Variants in GABRB3 observed in about 807,000 individuals in gnomAD.
GABRB3 encodes gamma-aminobutyric acid receptor subunit beta-3.
In GABRB3, 14 loss-of-function variants were observed where a neutral mutation model predicts 52.1. The observed-to-expected ratio is 0.27, with a 90% CI of 0.18 to 0.42. The LOEUF (loss-of-function observed/expected upper bound fraction) is 0.42, where lower values mean the gene tolerates loss of function less well. Among genes scored for constraint, GABRB3 ranks in the 10% least tolerant of loss-of-function variants. GABRB3 has a pLI of 1.00. For synonymous variants in GABRB3, 260 were observed against 232.3 expected (o/e 1.12, Z -1.08); for missense variants, 307 against 609.1 (o/e 0.50, Z 5.22).
intron 8 of GABRB3, among the ~76,000 whole-genome samples, chr15:26,556,508 A>G (rs1440982628): frequency 6.6e-6 from 1 of 152,188 alleles, no homozygotes; most frequent in Non-Finnish European, 1.5e-5. Flanking sequence ...TAATTGGTCA[A>G]CTTGTAAAAT....
chr15:26,565,650 A>G (rs1890139238), intron 7 of GABRB3, among the ~76,000 whole-genome samples: 1 of 152,204 alleles, frequency 6.6e-6, no homozygotes, highest in Admixed American at 6.5e-5. Context: ...CCGGGGTATT[A>G]ACGATTTAAT....
At chr15:26,748,667 TTCTC>T (rs1490983233) in intron 3 of GABRB3, among the ~76,000 whole-genome samples, 2 of 152,228 alleles carry the variant, frequency 1.3e-5, no homozygotes, top group Non-Finnish European at 2.9e-5. Context: ...TTGATTAACT[TTCTC>T]TATTGGTTTT....
Position 26,621,227 on chromosome 15 carries a change from C to A in GABRB3, c.461+87G>T. The A allele has an allele frequency of 9.7e-7, 1 of 1,036,136 alleles. No homozygotes were observed. Among genetic ancestry groups the A allele is most frequent in the Admixed American group, 1.7e-5 (1 of 59,008 alleles). 64.2% of individuals were successfully genotyped at this position (1,036,136 alleles called of 1,614,324 possible). On this transcript the variant is annotated intron_variant, in intron 4 of 8. Transcript: ENST00000311550. This position sits in a 1 kb window ranked among gnomAD's most constrained non-coding sequence, Gnocchi z 4.1. ...CTTCCTAATTTATCTGAGGTCATTG[C>A]CTCACTTACAATAATCATCTCAAGT...
At chr15:26,757,113 C>T (rs1271165530) in intron 3 of GABRB3, among the ~76,000 whole-genome samples, 1 of 152,072 alleles carries the variant, frequency 6.6e-6, no homozygotes, top group Admixed American at 6.6e-5. Flanking sequence ...GCAAGATATC[C>T]CAGTCTCCCA....
chr15:26,697,524 G>A (rs1446417312), intron 3 of GABRB3, among the ~76,000 whole-genome samples: 1 of 152,024 alleles, frequency 6.6e-6, no homozygotes, highest in Non-Finnish European at 1.5e-5. Flanking sequence ...ACTCTCTCAG[G>A]TCCTTCTCAA....
intron 3 of GABRB3, chr15:26,625,477 A>G: frequency 1.0e-6 from 1 of 985,390 alleles, no homozygotes; most frequent in South Asian, 4.7e-5. Flanking sequence ...CACAGTCACA[A>G]AGAGATGGAA....
At chr15:26,686,335 T>C (rs530763258) in intron 3 of GABRB3, among the ~76,000 whole-genome samples, 12 of 152,298 alleles carry the variant, frequency 7.9e-5, no homozygotes, top group African/African-American at 2.9e-4. Flanking sequence ...TAAAAATAGA[T>C]TTTCAACAAA....
rs1365439059 is a variant in GABRB3 at position 26,560,973 on chromosome 15, C to G, written c.1039G>C (p.Ala347Pro). The G allele has an allele frequency of 6.2e-7, 1 of 1,614,152 alleles. No homozygotes were observed. Among genetic ancestry groups the G allele is most frequent in the Non-Finnish European group, 8.5e-7 (1 of 1,180,006 alleles). ...QRQKKLAEKT[A>P]KAKNDRSKSE... The stretch of plus-strand genomic sequence containing the variant: ...TTTGAACGGTCATTCTTTGCCTTGG[C>G]TGTCTTTTCTGCAAGCTTCTTCTGC... Residue 347 changes from alanine (A) to proline (P), a missense_variant, in exon 8 of 9, where the codon GCC (alanine) becomes CCC (proline). Physicochemically the swap from Ala to Pro is conservative, Grantham distance 27 (BLOSUM62 -1). Transcript: ENST00000311550.
At chr15:26,758,150 A>G (rs1890713681) in intron 3 of GABRB3, among the ~76,000 whole-genome samples, 1 of 151,736 alleles carries the variant, frequency 6.6e-6, no homozygotes, top group South Asian at 2.1e-4. Flanking sequence ...TAATACACAG[A>G]AAATAGTTTA....
intron 3 of GABRB3, among the ~76,000 whole-genome samples, chr15:26,628,806 A>T (rs1892811980): frequency 6.6e-6 from 1 of 152,188 alleles, no homozygotes; most frequent in Non-Finnish European, 1.5e-5. Context: ...CCCCCAGGGT[A>T]GCTGAGGGAG....
At chr15:26,772,539 G>A in intron 2 of GABRB3, 70 bp from the exon 3 acceptor site, 1 of 1,532,660 alleles carries the variant, frequency 6.5e-7, no homozygotes, top group Non-Finnish European at 8.9e-7. Flanking sequence ...TGAGGACTGG[G>A]GGCTATCCCA....
chr15:26,732,327 TGGATGGATGGAC>T (rs1889948973), intron 3 of GABRB3, among the ~76,000 whole-genome samples: 1 of 120,126 alleles, frequency 8.3e-6, no homozygotes, highest in Non-Finnish European at 1.8e-5. Flanking sequence ...GATGGATGGA[TGGATGGATGGAC>T]GGACAGATGA....
intron 8 of GABRB3, 121 bp downstream of exon 8, chr15:26,560,811 C>G: frequency 1.4e-6 from 2 of 1,435,078 alleles, no homozygotes; most frequent in Admixed American, 3.4e-5. Context: ...ATCACAAGTA[C>G]AAGAAGGGTG....
intron 4 of GABRB3, chr15:26,590,275 G>C (rs923055409): frequency 1.3e-5 from 2 of 152,138 alleles, no homozygotes; most frequent in Admixed American, 6.5e-5. Flanking sequence ...GGACCTGGAA[G>C]CAAGTTAGTA....
chr15:26,625,548 A>T, intron 3 of GABRB3: 2 of 940,908 alleles, frequency 2.1e-6, no homozygotes, highest in South Asian at 9.8e-5. Flanking sequence ...CAGAAACAGA[A>T]GATACTTTGA....
intron 3 of GABRB3, chr15:26,767,161 G>A (rs1433763319): frequency 6.6e-6 from 1 of 152,082 alleles, no homozygotes; most frequent in African/African-American, 2.4e-5. Flanking sequence ...CCTCCCAAAT[G>A]GAGCAACCTA....
intron 4 of GABRB3, among the ~76,000 whole-genome samples, chr15:26,591,845 C>T (rs1226088330): frequency 1.3e-5 from 2 of 152,144 alleles, no homozygotes; most frequent in Non-Finnish European, 2.9e-5. Flanking sequence ...TTTAAATCAA[C>T]TTAAATGAAA....
At chr15:26,613,348 T>A (rs371047148) in intron 4 of GABRB3, 5 of 151,390 alleles carry the variant, frequency 3.3e-5, no homozygotes, top group Admixed American at 2.6e-4. Flanking sequence ...GAGGTGGAGG[T>A]TGTGGTGAGC....
chr15:26,772,493 G>A, intron 2 of GABRB3, 24 bp from the exon 3 acceptor site: 2 of 1,606,778 alleles, frequency 1.2e-6, no homozygotes, highest in South Asian at 2.2e-5. Context: ...AGGACACGGC[G>A]ATCAGCCCAG....
Sources: allele counts gnomAD v4.1 joint callset (sites outside exome capture counted in the v4.1 genomes callset), GRCh38; gene constraint gnomAD v4.1.1; non-coding constraint Gnocchi (gnomAD v3.1); transcripts MANE v1.5; gene names NCBI Gene and HGNC (gene_info 2026-07-23, HGNC 2026-07-21).